The following WDR37 variants were observed in gnomAD, a reference collection of about 807,000 sequenced individuals.
WDR37 encodes WD repeat-containing protein 37.
Under a neutral mutation model 62.9 loss-of-function variants are expected in WDR37, and 19 were observed. The observed-to-expected ratio is 0.30, with a 90% CI of 0.21 to 0.44. The LOEUF is 0.44. Ranked by LOEUF, WDR37 falls within the 20% of genes least tolerant of loss-of-function variation. WDR37 has a pLI of 1.00. For missense variants in WDR37, 474 were observed against 657.6 expected, an observed-to-expected ratio of 0.72 and a Z score of 3.05; for synonymous variants, 250 against 260.9, an observed-to-expected ratio of 0.96 and a Z score of 0.40.
intron 1 of WDR37, among the ~76,000 whole-genome samples, chr10:1,061,605 C>A (rs887418248): frequency 1.3e-5 from 2 of 152,108 alleles, no homozygotes; most frequent in African/African-American, 4.8e-5. Context: ...TTTGGGAGGC[C>A]GAGCTGGGCA....
chr10:1,080,191 C>T (rs761912876), intron 4 of WDR37, 85 bp downstream of exon 4: 175 of 1,499,580 alleles, frequency 1.2e-4, no homozygotes, highest in Non-Finnish European at 1.5e-4. Context: ...GGCTGGTTTG[C>T]GTTTTGCTGT....
intron 1 of WDR37, among the ~76,000 whole-genome samples, chr10:1,067,671 C>T (rs1429360882): frequency 6.6e-6 from 1 of 152,134 alleles, no homozygotes; most frequent in Non-Finnish European, 1.5e-5. Context: ...GTGTCACTAG[C>T]CATCAGGGAA....
At chr10:1,073,455 C>T (rs1833782319) in intron 2 of WDR37, among the ~76,000 whole-genome samples, 2 of 152,170 alleles carry the variant, frequency 1.3e-5, no homozygotes, top group South Asian at 4.1e-4. Context: ...ATCTTTACCT[C>T]AAATTAGATG....
At chr10:1,082,086 A>G (rs759718421) in intron 5 of WDR37, among the ~76,000 whole-genome samples, 2 of 152,240 alleles carry the variant, frequency 1.3e-5, no homozygotes, top group African/African-American at 2.4e-5. Context: ...GCCCATACCC[A>G]TTGTAAAAAA....
intron 2 of WDR37, among the ~76,000 whole-genome samples, chr10:1,075,782 TTC>T (rs1197876260): frequency 1.9e-5 from 2 of 104,292 alleles, no homozygotes; most frequent in South Asian, 3.2e-4. Flanking sequence ...TTATTGGAAC[TTC>T]TTTTTTTTTT....
rs1478875314 is a variant in WDR37, at chr10:1,129,335, A to G, written c.1476A>G (p.Gln492=). 3 of 1,613,976 alleles carry G rather than the reference A, an allele frequency of 1.9e-6. No homozygotes were observed. Among genetic ancestry groups the G allele is most frequent in the African/African-American group, 1.3e-5 (1 of 74,902 alleles). ...ACATCAACATCCCTGCATTGCTACA[A>G]GAAAAATAAGGACACCGGCAGCCCT... ...GWNINIPALL[Q]EK is the part of the protein sequence containing the mutation. Residue 492 remains glutamine, a synonymous_variant, in exon 14 of 14, where the codon CAA becomes CAG. Transcript: ENST00000263150.
intron 12 of WDR37, 112 bp from the exon 13 acceptor site, chr10:1,124,798 A>C (rs1835690603): frequency 7.3e-7 from 1 of 1,362,836 alleles, no homozygotes; most frequent in East Asian, 2.5e-5. Context: ...GTGTTCATGT[A>C]GTCGGCCTTG....
In WDR37 at chr10:1,131,298, G is replaced by C. The variant is rs1222343266; in HGVS notation, c.*1954G>C. 2.0e-5 allele frequency: 3 copies of C among 152,254 alleles called. No individual in the cohort carries two copies. Among genetic ancestry groups the C allele is most frequent in the Non-Finnish European group, 4.4e-5 (3 of 68,050 alleles). The allele number at this position is 152,254 out of a possible 1,614,324, so 9.4% of individuals were successfully genotyped here. On this transcript the variant is annotated 3_prime_UTR_variant, in exon 14 of 14. Transcript: ENST00000263150. ...ACAGGCCACCTGCTTGGGTTCCTCG[G>C]AGTTTAATTTGAAAGTCTGGGTGTC... is the stretch of plus-strand genomic sequence containing the variant.
chr10:1,061,013 A>G (rs577493440), intron 1 of WDR37, among the ~76,000 whole-genome samples: 1 of 152,332 alleles, frequency 6.6e-6, no homozygotes, highest in African/African-American at 2.4e-5. Flanking sequence ...GAAATCACGT[A>G]ACGATGCATC....
intron 11 of WDR37, among the ~76,000 whole-genome samples, chr10:1,123,069 G>A (rs1051628082): frequency 3.9e-5 from 6 of 152,038 alleles, no homozygotes; most frequent in Admixed American, 1.3e-4. Flanking sequence ...TCTTTAGGGC[G>A]TGGGTCTCCC....
chr10:1,123,080 A>C (rs560215216), intron 11 of WDR37, among the ~76,000 whole-genome samples: 116 of 152,252 alleles, frequency 7.6e-4, no homozygotes, highest in African/African-American at 2.7e-3. Context: ...TGGGTCTCCC[A>C]TCTTAGCCAT....
At chr10:1,118,399 GCT>G (rs566822765) in intron 11 of WDR37, among the ~76,000 whole-genome samples, 2 of 149,166 alleles carry the variant, frequency 1.3e-5, no homozygotes, top group African/African-American at 5.0e-5. Context: ...CCCTCAGCCA[GCT>G]CTGTTTGAAG....
At chr10:1,063,137 G>T (rs968381861) in intron 1 of WDR37, among the ~76,000 whole-genome samples, 1 of 151,268 alleles carries the variant, frequency 6.6e-6, no homozygotes, top group Admixed American at 6.6e-5. Context: ...GACTTCCTTC[G>T]TACATTGGGA....
At chr10:1,117,517 G>A (rs906774091) in intron 11 of WDR37, among the ~76,000 whole-genome samples, 4 of 152,300 alleles carry the variant, frequency 2.6e-5, no homozygotes, top group Admixed American at 6.5e-5. Context: ...CGTTTGAATC[G>A]CTCTACTGGA....
intron 1 of WDR37, among the ~76,000 whole-genome samples, chr10:1,069,389 A>ATATATATATATATATATATATTTTTT: frequency 1.0e-5 from 1 of 95,806 alleles, no homozygotes; most frequent in Admixed American, 1.2e-4. Context: ...ATATATATAT[A>ATATATATATATATATATATATTTTTT]TTTTTTTTTT....
At chr10:1,079,891 A>G (rs570200903) in intron 3 of WDR37, 120 bp from the exon 4 acceptor site, 138 of 718,304 alleles carry the variant, frequency 1.9e-4, no homozygotes, top group Non-Finnish European at 2.8e-4. Context: ...AATATTATTC[A>G]TGTCTTTGTT....
At chr10:1,125,666 T>C (rs924510061) in intron 13 of WDR37, among the ~76,000 whole-genome samples, 1 of 152,170 alleles carries the variant, frequency 6.6e-6, no homozygotes, top group Non-Finnish European at 1.5e-5. Flanking sequence ...GTTGTGTCTG[T>C]GCAGATTGGA....
At chr10:1,124,458 C>T (rs1835677350) in intron 12 of WDR37, 106 bp downstream of exon 12, 2 of 1,502,298 alleles carry the variant, frequency 1.3e-6, no homozygotes, top group Non-Finnish European at 1.8e-6. Flanking sequence ...ACCCCGGGAA[C>T]AATGGTTTAG....
At chr10:1,071,088 T>G (rs138016885) in intron 1 of WDR37, among the ~76,000 whole-genome samples, 1 of 152,392 alleles carries the variant, frequency 6.6e-6, no homozygotes, top group East Asian at 1.9e-4. Flanking sequence ...GTAGTCCTTA[T>G]GTGTATTTTA....
Sources: gnomAD v4.1 joint callset for allele counts (sites outside exome capture counted in the v4.1 genomes callset) on GRCh38, gnomAD v4.1.1 for gene constraint, MANE v1.5 for transcripts, NCBI Gene and HGNC (gene_info 2026-07-23, HGNC 2026-07-21) for gene names.